Variants in ACBD6 observed in about 807,000 individuals in gnomAD.
ACBD6 encodes acyl-CoA binding domain containing 6, also known as acyl-CoA-binding domain-containing protein 6.
A neutral mutation model predicts 37.2 loss-of-function variants in ACBD6; 28 were observed. The ratio of observed to expected loss-of-function variants is 0.75; its 90% confidence interval spans 0.56 to 1.03. The LOEUF is 1.03. ACBD6 is among the 50% of genes least tolerant of loss of function. The pLI is 0.00. For synonymous variants in ACBD6, 113 were observed against 126.8 expected (o/e 0.89, Z 0.73); for missense variants, 340 against 337.4 (o/e 1.01, Z -0.06).
chr1:180,378,216 T>G (rs1653511794), intron 6 of ACBD6, among the ~76,000 whole-genome samples: 2 of 152,060 alleles, frequency 1.3e-5, no homozygotes, highest in Admixed American at 1.3e-4. Flanking sequence ...TTGCCAAAAA[T>G]GCATAACCTA....
chr1:180,437,523 T>TG (rs1332993781), intron 3 of ACBD6, among the ~76,000 whole-genome samples: 2 of 152,114 alleles, frequency 1.3e-5, no homozygotes, highest in African/African-American at 4.8e-5. Context: ...AAACACAGTT[T>TG]GAAAGTTTTT....
chr1:180,465,508 A>G (rs908724429), intron 3 of ACBD6, among the ~76,000 whole-genome samples: 8 of 152,130 alleles, frequency 5.3e-5, no homozygotes, highest in Non-Finnish European at 8.8e-5. Flanking sequence ...AACTCAAACA[A>G]AATCAGATGC....
At chr1:180,361,553 T>C (rs549549706) in intron 6 of ACBD6, among the ~76,000 whole-genome samples, 2 of 152,272 alleles carry the variant, frequency 1.3e-5, no homozygotes, top group East Asian at 3.9e-4. Context: ...TCTGTTGAGC[T>C]TCTTGAATAA....
chr1:180,299,558 TTTC>T (rs1204061042), intron 7 of ACBD6, among the ~76,000 whole-genome samples: 1 of 149,224 alleles, frequency 6.7e-6, no homozygotes, highest in Non-Finnish European at 1.5e-5. Flanking sequence ...TGATAATGAA[TTTC>T]TTTTTTTTTT....
chr1:180,475,470 T>C (rs1332104797), intron 3 of ACBD6, among the ~76,000 whole-genome samples: 1 of 152,210 alleles, frequency 6.6e-6, no homozygotes, highest in Non-Finnish European at 1.5e-5. Context: ...CACTATAGCC[T>C]CAACCTCCTG....
At chr1:180,422,576 A>G (rs1376390717) in intron 4 of ACBD6, among the ~76,000 whole-genome samples, 1 of 152,136 alleles carries the variant, frequency 6.6e-6, no homozygotes, top group Non-Finnish European at 1.5e-5. Context: ...AGACAACCAC[A>G]GCTGCAGACC....
At chr1:180,344,095 T>C (rs565779671) in intron 6 of ACBD6, among the ~76,000 whole-genome samples, 25 of 152,244 alleles carry the variant, frequency 1.6e-4, no homozygotes, top group Non-Finnish European at 2.8e-4. Context: ...GAAAGGCCTG[T>C]CTTTGACTAT....
At chr1:180,396,268 T>C (rs1197372480) in intron 6 of ACBD6, among the ~76,000 whole-genome samples, 1 of 152,176 alleles carries the variant, frequency 6.6e-6, no homozygotes, top group Admixed American at 6.6e-5. Flanking sequence ...CACATAACTA[T>C]ACACTTAAAA....
intron 4 of ACBD6, among the ~76,000 whole-genome samples, chr1:180,415,479 G>C (rs1377446885): frequency 3.3e-5 from 5 of 151,376 alleles, no homozygotes; most frequent in African/African-American, 1.2e-4. Context: ...AAGGATAATA[G>C]GGACCTACTT....
chr1:180,394,426 G>T (rs1476446900), intron 6 of ACBD6, among the ~76,000 whole-genome samples: 1 of 151,828 alleles, frequency 6.6e-6, no homozygotes, highest in South Asian at 2.1e-4. Flanking sequence ...TAATTTAGTG[G>T]TAATAGTGGT....
intron 6 of ACBD6, among the ~76,000 whole-genome samples, chr1:180,356,162 C>T (rs747918495): frequency 5.6e-5 from 8 of 143,314 alleles, no homozygotes; most frequent in Admixed American, 2.1e-4. Context: ...CGTGAGCCAC[C>T]GTGCCTGGCC....
At chr1:180,365,454 T>C (rs1365803843) in intron 6 of ACBD6, among the ~76,000 whole-genome samples, 2 of 152,228 alleles carry the variant, frequency 1.3e-5, no homozygotes, top group African/African-American at 2.4e-5. Flanking sequence ...GAGACTTTAC[T>C]CAAAAACTCC....
chr1:180,315,489 T>A (rs1427558232), intron 6 of ACBD6, among the ~76,000 whole-genome samples: 1 of 152,234 alleles, frequency 6.6e-6, no homozygotes, highest in African/African-American at 2.4e-5. Flanking sequence ...CACTTTGTAA[T>A]ATGCATGGCC....
chr1:180,439,282 G>A (rs1253831563), intron 3 of ACBD6, among the ~76,000 whole-genome samples: 5 of 152,110 alleles, frequency 3.3e-5, no homozygotes, highest in Non-Finnish European at 7.4e-5. Context: ...AAAGTGGAAG[G>A]CCCTACTAAG....
chr1:180,451,782 T>C (rs1486306526), intron 3 of ACBD6, among the ~76,000 whole-genome samples: 1 of 152,178 alleles, frequency 6.6e-6, no homozygotes, highest in African/African-American at 2.4e-5. Context: ...GAAAATGTTC[T>C]AAGATGAATT....
chr1:180,375,809 G>A (rs1653409963), intron 6 of ACBD6, among the ~76,000 whole-genome samples: 1 of 152,090 alleles, frequency 6.6e-6, no homozygotes, highest in Non-Finnish European at 1.5e-5. Flanking sequence ...TTAAAATCCA[G>A]AGGCAATAAA....
chr1:180,276,634 A>G (rs990474924), intron 9 of ACBD6: 3 of 152,202 alleles, frequency 2.0e-5, no homozygotes, highest in Admixed American at 2.0e-4. Context: ...TTTTTGGAGG[A>G]TGGCTTTTTA....
intron 4 of ACBD6, among the ~76,000 whole-genome samples, chr1:180,421,640 T>C (rs969132186): frequency 6.6e-6 from 1 of 152,194 alleles, no homozygotes; most frequent in African/African-American, 2.4e-5. Context: ...TGTTCCTTTT[T>C]CTCCACAATC....
At chr1:180,475,136 T>C (rs2331744) in intron 3 of ACBD6, among the ~76,000 whole-genome samples, 152,039 of 152,354 alleles carry the variant, frequency 1, 75,863 homozygotes, top group East Asian at 1. Flanking sequence ...AAAGGTGGTG[T>C]TATTTTAACA....
Sources: allele counts gnomAD v4.1 joint callset (sites outside exome capture counted in the v4.1 genomes callset), GRCh38; gene constraint gnomAD v4.1.1; transcripts MANE v1.5; gene names NCBI Gene and HGNC (gene_info 2026-07-23, HGNC 2026-07-21).